TMEM218: variants seen among roughly 807,000 people sequenced by gnomAD.
TMEM218 encodes the protein transmembrane protein 218.
A neutral mutation model predicts 10.0 loss-of-function variants in TMEM218; 8 were observed. The observed-to-expected ratio is 0.80, with a 90% CI of 0.47 to 1.44. The LOEUF (loss-of-function observed/expected upper bound fraction) is 1.44, where lower values mean the gene tolerates loss of function less well. TMEM218 is among the 40% of genes most tolerant of loss of function. TMEM218 has a pLI of 0.00. For synonymous variants in TMEM218, 66 were observed against 63.5 expected, an observed-to-expected ratio of 1.04 and a Z score of -0.18; for missense variants, 110 against 140.1, an observed-to-expected ratio of 0.79 and a Z score of 1.08.
intron 1 of TMEM218, 113 bp downstream of exon 1, chr11:125,111,426 G>GT (rs60749269): frequency 0.17 from 25,889 of 152,208 alleles, 2,944 homozygotes; most frequent in East Asian, 0.59. Context: ...CAGATCAGCG[G>GT]TAAGGGTGGT....
Position 125,101,261 on chromosome 11 carries a change from T to A in TMEM218, c.153A>T (p.Thr51=). 2 of 1,613,780 alleles carry A rather than the reference T, an allele frequency of 1.2e-6. No homozygotes were observed. Among genetic ancestry groups the A allele is most frequent in the Admixed American group, 1.7e-5 (1 of 60,024 alleles). ...IFLFFGAVII[T]SVLLLFPRAG... ...CTCGCGGGAAAAGCAACAGAACTGATGTGATGATCACAGCACCGAAGAATA... is the reference window on the plus strand; with the variant it reads ...CTCGCGGGAAAAGCAACAGAACTGAAGTGATGATCACAGCACCGAAGAATA... The change falls in exon 4 of 5, where the codon ACA becomes ACT. Residue 51 remains threonine, a synonymous_variant. Transcript: ENST00000682305.
intron 4 of TMEM218, among the ~76,000 whole-genome samples, chr11:125,098,881 T>C (rs1591368216): frequency 1.3e-5 from 2 of 151,890 alleles, no homozygotes; most frequent in African/African-American, 4.8e-5. Context: ...GCTCTGAAGA[T>C]GGAGGAAGGG....
intron 1 of TMEM218, among the ~76,000 whole-genome samples, chr11:125,105,546 A>G (rs1272520027): frequency 6.6e-6 from 1 of 152,238 alleles, no homozygotes; most frequent in Non-Finnish European, 1.5e-5. Flanking sequence ...AGATTTCTGT[A>G]ATAATGACAA....
At chr11:125,099,694 C>T (rs1469643137) in intron 4 of TMEM218, among the ~76,000 whole-genome samples, 3 of 152,064 alleles carry the variant, frequency 2.0e-5, no homozygotes, top group African/African-American at 4.8e-5. Context: ...GAGGCTGAGG[C>T]GAGTGGATCA....
At chr11:125,105,193 C>T (rs1435592789) in intron 1 of TMEM218, among the ~76,000 whole-genome samples, 1 of 152,216 alleles carries the variant, frequency 6.6e-6, no homozygotes, top group Non-Finnish European at 1.5e-5. Flanking sequence ...TCTGAATCCC[C>T]ACCTCACATC....
chr11:125,102,825 C>G lies in TMEM218; in HGVS notation c.-152-16G>C, dbSNP rs1434118014. On this transcript the variant is annotated splice_polypyrimidine_tract_variant and intron_variant, in intron 1 of 4. Coordinates refer to ENST00000682305, the MANE Select transcript of TMEM218 (RefSeq NM_001258244.2). ...ACTCCCAGTCCTTAAAGAAGAGGAA[C>G]AGCCATCACTATTTTTGAACATTCA... 1 of 692,308 alleles carries G rather than the reference C, an allele frequency of 1.4e-6. No homozygotes were observed. Among genetic ancestry groups the G allele is most frequent in the Non-Finnish European group, 2.1e-6 (1 of 478,388 alleles). The allele number at this position is 692,308 out of a possible 1,614,324, so 42.9% of individuals were successfully genotyped here. A position where few individuals can be genotyped will look rare whatever the true frequency, so the allele number is the denominator to read the frequency against.
At chr11:125,097,779 T>G in intron 4 of TMEM218, 39 bp from the exon 5 acceptor site, 1 of 1,602,074 alleles carries the variant, frequency 6.2e-7, no homozygotes, top group Non-Finnish European at 8.5e-7. Context: ...TACTACCAGT[T>G]AGACACCCTG....
intron 1 of TMEM218, among the ~76,000 whole-genome samples, chr11:125,110,117 T>G (rs1439974988): frequency 1.3e-5 from 2 of 152,270 alleles, no homozygotes; most frequent in African/African-American, 4.8e-5. Context: ...CTAGTCATTT[T>G]TATCTTATTT....
Position 125,102,847 on chromosome 11 carries a change from T to C in TMEM218, c.-152-38A>G, listed in dbSNP as rs1392692720. The C allele has an allele frequency of 2.0e-5, 11 of 552,710 alleles. No individual in the cohort carries two copies. The East Asian group carries it at 6.2e-4, about 31-fold the overall frequency. The allele number at this position is 552,710 out of a possible 1,614,324, so 34.2% of individuals were successfully genotyped here. ...GAACAGCCATCACTATTTTTGAACATTCACTGTGTGCTAAGTGCCGTACAA... is the reference window on the plus strand; with the variant it reads ...GAACAGCCATCACTATTTTTGAACACTCACTGTGTGCTAAGTGCCGTACAA... On this transcript the variant is annotated intron_variant, in intron 1 of 4. Coordinates refer to ENST00000682305, the MANE Select transcript of TMEM218 (RefSeq NM_001258244.2).
chr11:125,109,250 G>A (rs1177349467), intron 1 of TMEM218, among the ~76,000 whole-genome samples: 1 of 152,026 alleles, frequency 6.6e-6, no homozygotes, highest in Non-Finnish European at 1.5e-5. Flanking sequence ...GATACTACTT[G>A]TATTTTTAAA....
chr11:125,100,508 G>C (rs1950540578), intron 4 of TMEM218, among the ~76,000 whole-genome samples: 2 of 152,196 alleles, frequency 1.3e-5, no homozygotes, highest in Admixed American at 1.3e-4. Flanking sequence ...TCAAAATGAA[G>C]GTTGAGAGGA....
chr11:125,100,849 G>A (rs1313903209), intron 4 of TMEM218, among the ~76,000 whole-genome samples: 1 of 152,106 alleles, frequency 6.6e-6, no homozygotes, highest in Non-Finnish European at 1.5e-5. Flanking sequence ...CTTCATCTCG[G>A]GTGCAGGCCT....
rs767032986 is a variant in TMEM218 at position 125,097,566 on chromosome 11, A to G, written c.*40T>C. ...CCTTCCTGCTCATCAATGTCATCAC[A>G]ATGAAGGAGAGAACAGGTTTTCGTT... On this transcript the variant is annotated 3_prime_UTR_variant, in exon 5 of 5. Coordinates refer to ENST00000682305, the MANE Select transcript of TMEM218 (RefSeq NM_001258244.2). 6.2e-7 allele frequency: 1 copy of G among 1,606,958 alleles called. No homozygotes were observed.
At chr11:125,102,877 A>G in intron 1 of TMEM218, 68 bp from the exon 2 acceptor site, 1 of 389,384 alleles carries the variant, frequency 2.6e-6, no homozygotes, top group Non-Finnish European at 4.5e-6. Context: ...GTACAAACAT[A>G]TCTCATTGAA....
rs1222011512 is a variant in TMEM218, at chr11:125,095,937, G to C, written c.*1669C>G. On this transcript the variant is annotated 3_prime_UTR_variant, in exon 5 of 5. Transcript: ENST00000682305. The stretch of plus-strand genomic sequence containing the variant: ...AACAATTGGCAGCTTGTGCTTGTTA[G>C]GAGCCAAGCTTCCACTTGGGCTGCA... Among the ~76,000 whole-genome samples, 2 of 152,160 alleles carry C rather than the reference G, an allele frequency of 1.3e-5. No individual in the cohort carries two copies. The highest frequency in any genetic ancestry group is 2.9e-5 in the Non-Finnish European group (2 of 68,030).
intron 4 of TMEM218, among the ~76,000 whole-genome samples, chr11:125,099,998 G>T: frequency 6.6e-6 from 1 of 151,470 alleles, no homozygotes; most frequent in Non-Finnish European, 1.5e-5. Flanking sequence ...CACACCTCCA[G>T]AGTGTTTTCC....
At chr11:125,101,081 T>C in intron 4 of TMEM218, 120 bp downstream of exon 4, 1 of 746,884 alleles carries the variant, frequency 1.3e-6, no homozygotes, top group East Asian at 2.8e-5. Context: ...TTGGTTGAAC[T>C]TTACAATTCT....
chr11:125,109,254 T>A (rs985399238), intron 1 of TMEM218, among the ~76,000 whole-genome samples: 6 of 152,150 alleles, frequency 3.9e-5, no homozygotes, highest in African/African-American at 1.4e-4. Context: ...CTACTTGTAT[T>A]TTTAAAATTA....
chr11:125,109,407 G>A (rs1294708574), intron 1 of TMEM218, among the ~76,000 whole-genome samples: 1 of 152,146 alleles, frequency 6.6e-6, no homozygotes, highest in Non-Finnish European at 1.5e-5. Flanking sequence ...AATGGGGTTA[G>A]GAGTGGAAAT....
Sources: allele counts gnomAD v4.1 joint callset (sites outside exome capture counted in the v4.1 genomes callset), GRCh38; gene constraint gnomAD v4.1.1; transcripts MANE v1.5; gene names NCBI Gene and HGNC (gene_info 2026-07-23, HGNC 2026-07-21).